Variants in JARID2 observed in about 807,000 individuals in gnomAD.
JARID2 encodes protein Jumonji.
Under a neutral mutation model 125.6 loss-of-function variants are expected in JARID2, and 21 were observed. That is an observed-to-expected ratio of 0.17 (90% CI 0.12 to 0.24). JARID2 has a LOEUF of 0.24. Ranked by LOEUF, JARID2 falls within the 10% of genes least tolerant of loss-of-function variation. JARID2 has a pLI of 1.00. For missense variants in JARID2, 1,303 were observed against 1,639.6 expected, an observed-to-expected ratio of 0.79 and a Z score of 3.55; for synonymous variants, 736 against 661.6, an observed-to-expected ratio of 1.11 and a Z score of -1.73.
intron 1 of JARID2, among the ~76,000 whole-genome samples, chr6:15,268,363 G>A (rs369112488): frequency 6.6e-6 from 1 of 152,176 alleles, no homozygotes; most frequent in Non-Finnish European, 1.5e-5. Flanking sequence ...GCAGCTTAAC[G>A]CCAGGACTTC....
chr6:15,503,818 G>A (rs1254203670), intron 8 of JARID2, among the ~76,000 whole-genome samples: 5 of 152,190 alleles, frequency 3.3e-5, no homozygotes, highest in Non-Finnish European at 1.5e-5. Flanking sequence ...GGTAAAAGAA[G>A]GTGCTGACTC....
At chr6:15,332,899 A>G (rs369929776) in intron 1 of JARID2, among the ~76,000 whole-genome samples, 7 of 148,542 alleles carry the variant, frequency 4.7e-5, no homozygotes, top group Middle Eastern at 3.5e-3. Context: ...TGTAATCCTC[A>G]CACCATAAAA....
At chr6:15,334,547 C>T (rs1019759401) in intron 1 of JARID2, among the ~76,000 whole-genome samples, 2 of 152,140 alleles carry the variant, frequency 1.3e-5, no homozygotes, top group East Asian at 1.9e-4. Flanking sequence ...ATTTTTACAG[C>T]AGTTTTTGCA....
At chr6:15,447,788 C>T (rs910485161) in intron 3 of JARID2, among the ~76,000 whole-genome samples, 6 of 152,248 alleles carry the variant, frequency 3.9e-5, no homozygotes, top group Non-Finnish European at 7.3e-5. Flanking sequence ...TGCAGCCTCA[C>T]CTTTCTCCTC....
chr6:15,434,278 A>G (rs996712590), intron 3 of JARID2, among the ~76,000 whole-genome samples: 4 of 152,100 alleles, frequency 2.6e-5, no homozygotes, highest in African/African-American at 9.7e-5. Context: ...ATACTCCTCA[A>G]TCAGTGACTT....
chr6:15,306,826 C>T (rs1171812136), intron 1 of JARID2, among the ~76,000 whole-genome samples: 1 of 150,462 alleles, frequency 6.6e-6, no homozygotes, highest in Non-Finnish European at 1.5e-5. Context: ...GGGAAATAGG[C>T]AGCTTATTTT....
chr6:15,340,961 G>A (rs984407472), intron 1 of JARID2, among the ~76,000 whole-genome samples: 8 of 152,152 alleles, frequency 5.3e-5, no homozygotes, highest in African/African-American at 1.9e-4. Context: ...TGACCACCTC[G>A]AAGCAGGAAG....
intron 1 of JARID2, among the ~76,000 whole-genome samples, chr6:15,272,811 C>T (rs752860): frequency 0.38 from 57,987 of 151,980 alleles, 11,281 homozygotes; most frequent in South Asian, 0.53. Context: ...AGTACCTGGG[C>T]CACTCAATTT....
chr6:15,488,873 C>G (rs1050211706), intron 6 of JARID2, among the ~76,000 whole-genome samples: 4 of 152,152 alleles, frequency 2.6e-5, no homozygotes, highest in Admixed American at 1.3e-4. Context: ...GAGACAACAG[C>G]CACGGTGTGG....
chr6:15,493,539 A>AT (rs1770258752), intron 6 of JARID2, among the ~76,000 whole-genome samples: 1 of 152,054 alleles, frequency 6.6e-6, no homozygotes, highest in South Asian at 2.1e-4. Flanking sequence ...GCTGAAACAG[A>AT]TTGCACCCCT....
intron 2 of JARID2, among the ~76,000 whole-genome samples, chr6:15,376,439 G>C (rs1561822054): frequency 6.6e-6 from 1 of 152,154 alleles, no homozygotes; most frequent in Non-Finnish European, 1.5e-5. Context: ...TATTTTGCTT[G>C]GTGCGGTGGT....
intron 1 of JARID2, among the ~76,000 whole-genome samples, chr6:15,288,516 T>A (rs1231716746): frequency 1.3e-5 from 2 of 152,182 alleles, no homozygotes; most frequent in African/African-American, 2.4e-5. Context: ...ATCAAGCGAG[T>A]GCCCAACGTT....
At chr6:15,495,384 G>A (rs914843313) in intron 6 of JARID2, among the ~76,000 whole-genome samples, 2 of 152,134 alleles carry the variant, frequency 1.3e-5, no homozygotes, top group Non-Finnish European at 2.9e-5. Flanking sequence ...TATAGGAAGC[G>A]CGTGTGCAGA....
Position 15,521,540 on chromosome 6 carries a change from G to GAAC in JARID2, c.*1298_*1300dup, listed in dbSNP as rs760618559. 1.3e-5 allele frequency: 2 copies of GAAC among 152,004 alleles called. No homozygotes were observed. Among genetic ancestry groups the GAAC allele is most frequent in the Non-Finnish European group, 2.9e-5 (2 of 68,018 alleles). The allele number at this position is 152,004 out of a possible 1,614,324, so 9.4% of individuals were successfully genotyped here. A position where few individuals can be genotyped will look rare whatever the true frequency, so the allele number is the denominator to read the frequency against. ...ATTTATAAGTGCTGCTTACATCACT[G>GAAC]AACAACAACAAAAAAATAATAATGG... On this transcript the variant is annotated 3_prime_UTR_variant, in exon 18 of 18. Coordinates refer to ENST00000341776, the MANE Select transcript of JARID2 (RefSeq NM_004973.4).
chr6:15,372,736 G>GTC (rs977583536), intron 1 of JARID2, among the ~76,000 whole-genome samples: 2 of 151,118 alleles, frequency 1.3e-5, no homozygotes, highest in Non-Finnish European at 2.9e-5. Context: ...TTGAGACTGA[G>GTC]TCTCACTCTG....
chr6:15,328,842 G>A (rs1762615303), intron 1 of JARID2, among the ~76,000 whole-genome samples: 1 of 152,230 alleles, frequency 6.6e-6, no homozygotes, highest in South Asian at 2.1e-4. Flanking sequence ...TACCTGTCAA[G>A]TATGTAGAGT....
At position 15,521,299 on chromosome 6, in the gene JARID2, A is replaced by G. The variant is rs1314406911; in HGVS notation, c.*1048A>G. On this transcript the variant is annotated 3_prime_UTR_variant, in exon 18 of 18. Coordinates refer to ENST00000341776, the MANE Select transcript of JARID2 (RefSeq NM_004973.4). ...TGAATGTGAAAATGCATTTGCGTTC[A>G]TCTTGTCTATTTTTTCTCTTCATGT... The G allele has an allele frequency of 1.3e-5, 2 of 151,458 alleles. No homozygotes were observed. Among genetic ancestry groups the G allele is most frequent in the African/African-American group, 4.9e-5 (2 of 41,150 alleles). The allele number at this position is 151,458 out of a possible 1,614,324, so 9.4% of individuals were successfully genotyped here. A position where few individuals can be genotyped will look rare whatever the true frequency, so the allele number is the denominator to read the frequency against.
At chr6:15,396,652 T>C (rs141175071) in intron 2 of JARID2, among the ~76,000 whole-genome samples, 1 of 152,320 alleles carries the variant, frequency 6.6e-6, no homozygotes, top group African/African-American at 2.4e-5. Context: ...GGCAGGATAG[T>C]TCAAGGTTTC....
chr6:15,507,477 A>C, intron 11 of JARID2, 61 bp downstream of exon 11: 1 of 1,444,166 alleles, frequency 6.9e-7, no homozygotes, highest in Non-Finnish European at 9.7e-7. Flanking sequence ...ACTTGCTGAG[A>C]ACCAGGGCTG....
Sources: allele counts gnomAD v4.1 joint callset (sites outside exome capture counted in the v4.1 genomes callset), GRCh38; gene constraint gnomAD v4.1.1; transcripts MANE v1.5; gene names NCBI Gene and HGNC (gene_info 2026-07-23, HGNC 2026-07-21).